KAZN: variants seen among roughly 807,000 people sequenced by gnomAD.
KAZN encodes the protein kazrin.
Under a neutral mutation model 87.4 loss-of-function variants are expected in KAZN, and 40 were observed. That is an observed-to-expected ratio of 0.46 (90% CI 0.36 to 0.60). KAZN has a LOEUF of 0.60. Among genes scored for constraint, KAZN ranks in the 20% least tolerant of loss-of-function variants. The pLI is 0.00. For synonymous variants in KAZN, 466 were observed against 458.3 expected (o/e 1.02, Z -0.22); for missense variants, 898 against 1,073.9 (o/e 0.84, Z 2.29).
In KAZN at chr1:14,719,082, G is replaced by A. The variant is rs570985609; in HGVS notation, c.226+119859G>A. On this transcript the variant is annotated intron_variant, in intron 1 of 14. Coordinates refer to ENST00000376030, the MANE Select transcript of KAZN (RefSeq NM_201628.3). ...CATAATCTACCCACAGTCGCCATAGGACCAACCCACACTCAACTTTGCACA... is the reference window on the plus strand; with the variant it reads ...CATAATCTACCCACAGTCGCCATAGAACCAACCCACACTCAACTTTGCACA... Among the ~76,000 whole-genome samples the A allele has an allele frequency of 6.6e-5, 10 of 152,208 alleles. No individual in the cohort carries two copies. In the South Asian group the frequency reaches 2.1e-3, roughly 32 times the overall value.
intron 1 of KAZN, among the ~76,000 whole-genome samples, chr1:14,722,524 G>A (rs1643170814): frequency 6.6e-6 from 1 of 152,182 alleles, no homozygotes; most frequent in African/African-American, 2.4e-5. Flanking sequence ...CAATAAATAT[G>A]AAAAAGTATT....
chr1:14,143,148 G>C (rs774944973), intron 1 of KAZN, among the ~76,000 whole-genome samples: 5 of 152,176 alleles, frequency 3.3e-5, no homozygotes, highest in African/African-American at 1.2e-4. Context: ...TGCTTGGAAC[G>C]ACGGTTCCTA....
At chr1:14,062,918 G>T (rs1417211167) in intron 1 of KAZN, among the ~76,000 whole-genome samples, 2 of 152,156 alleles carry the variant, frequency 1.3e-5, no homozygotes, top group African/African-American at 4.8e-5. Flanking sequence ...GCAATTAGAA[G>T]TCTGGCCACA....
At chr1:14,512,401 C>T (rs1351893045) in intron 2 of KAZN, among the ~76,000 whole-genome samples, 1 of 152,108 alleles carries the variant, frequency 6.6e-6, no homozygotes, top group Non-Finnish European at 1.5e-5. Flanking sequence ...ATGCCAGCAG[C>T]ACTCACCGCC....
chr1:15,094,943 C>G lies in KAZN; in HGVS notation c.1547+10C>G, dbSNP rs2100685330. On this transcript the variant is annotated intron_variant, in intron 10 of 14. Transcript: ENST00000376030. The surrounding 1 kb of genome is among the most constrained non-coding windows in gnomAD (Gnocchi z 4.5). The stretch of plus-strand genomic sequence containing the variant: ...CCGAGGCAGGCCGCAGGTGAGCCCA[C>G]CACGAGGGGCCCCGGGGGAGGAGAG... The G allele has an allele frequency of 1.3e-6, 2 of 1,537,608 alleles. No homozygotes were observed. Among genetic ancestry groups the G allele is most frequent in the Non-Finnish European group, 1.8e-6 (2 of 1,135,694 alleles).
chr1:13,898,917 G>C (rs1279521483), intron 1 of KAZN, among the ~76,000 whole-genome samples: 1 of 152,208 alleles, frequency 6.6e-6, no homozygotes, highest in Non-Finnish European at 1.5e-5. Context: ...ATAACTAAGA[G>C]GGCAAGGGAA....
chr1:14,865,670 G>C (rs1041398440), intron 1 of KAZN, among the ~76,000 whole-genome samples: 1 of 152,176 alleles, frequency 6.6e-6, no homozygotes, highest in Admixed American at 6.5e-5. Context: ...TACTGGGTTG[G>C]ATTATGTGTG....
intron 1 of KAZN, among the ~76,000 whole-genome samples, chr1:14,125,744 A>G (rs1013978211): frequency 2.0e-5 from 3 of 152,122 alleles, no homozygotes; most frequent in African/African-American, 7.2e-5. Flanking sequence ...ACAGGAAATG[A>G]ATGCAGTGGA....
At chr1:13,985,263 A>G in intron 1 of KAZN, among the ~76,000 whole-genome samples, 1 of 151,960 alleles carries the variant, frequency 6.6e-6, no homozygotes, top group East Asian at 1.9e-4. Flanking sequence ...TGTGCAGGTT[A>G]GTTACATATG....
chr1:14,971,452 T>G (rs1572951445), intron 2 of KAZN, among the ~76,000 whole-genome samples: 2 of 152,168 alleles, frequency 1.3e-5, no homozygotes, highest in East Asian at 3.9e-4. Flanking sequence ...TAGTAGGTTT[T>G]GGAGCCAAAG....
intron 1 of KAZN, among the ~76,000 whole-genome samples, chr1:13,953,038 G>C (rs1641412083): frequency 6.6e-6 from 1 of 152,176 alleles, no homozygotes; most frequent in African/African-American, 2.4e-5. Context: ...GGAGTATTGA[G>C]AAACCTGTGG....
At chr1:14,120,631 A>C (rs140375749) in intron 1 of KAZN, among the ~76,000 whole-genome samples, 81 of 152,286 alleles carry the variant, frequency 5.3e-4, no homozygotes, top group Middle Eastern at 3.4e-3. Context: ...TTATGGAAGG[A>C]TGCTTCAGTG....
At chr1:15,084,912 T>C (rs925397416) in intron 8 of KAZN, among the ~76,000 whole-genome samples, 1 of 152,086 alleles carries the variant, frequency 6.6e-6, no homozygotes, top group Admixed American at 6.5e-5. Flanking sequence ...CAATACCAAA[T>C]ACAAAATACT....
intron 2 of KAZN, among the ~76,000 whole-genome samples, chr1:14,288,960 A>G (rs911100095): frequency 6.6e-6 from 1 of 152,184 alleles, no homozygotes; most frequent in African/African-American, 2.4e-5. Flanking sequence ...ATTCAGGAGC[A>G]GGTTGTTCAG....
chr1:14,341,437 C>T (rs1179356348), intron 2 of KAZN, among the ~76,000 whole-genome samples: 2 of 152,132 alleles, frequency 1.3e-5, no homozygotes, highest in South Asian at 2.1e-4. Flanking sequence ...TCCCAACGCA[C>T]GCAGTCCTGA....
At chr1:15,093,628 A>G (rs1640660477) in intron 8 of KAZN, among the ~76,000 whole-genome samples, 2 of 152,176 alleles carry the variant, frequency 1.3e-5, no homozygotes, top group Non-Finnish European at 2.9e-5. Flanking sequence ...ATAAAGATAA[A>G]TGAGGCAGGG....
At chr1:14,007,818 C>T (rs138167067) in intron 1 of KAZN, among the ~76,000 whole-genome samples, 6 of 152,170 alleles carry the variant, frequency 3.9e-5, no homozygotes, top group South Asian at 2.1e-4. Flanking sequence ...AGACGCTGTC[C>T]GATAATGATT....
At chr1:14,698,576 C>T (rs768562549) in intron 1 of KAZN, among the ~76,000 whole-genome samples, 3 of 152,236 alleles carry the variant, frequency 2.0e-5, no homozygotes, top group African/African-American at 4.8e-5. Context: ...GCCACAGAGC[C>T]GCCCAGTGTT....
chr1:14,419,430 G>A (rs188594920), intron 2 of KAZN, among the ~76,000 whole-genome samples: 1 of 152,234 alleles, frequency 6.6e-6, no homozygotes, highest in East Asian at 1.9e-4. Flanking sequence ...CAGAACATGA[G>A]TGCCCAAAGC....
Sources: gnomAD v4.1 joint callset for allele counts (sites outside exome capture counted in the v4.1 genomes callset) on GRCh38, gnomAD v4.1.1 for gene constraint, Gnocchi (gnomAD v3.1) non-coding constraint, MANE v1.5 for transcripts, NCBI Gene and HGNC (gene_info 2026-07-23, HGNC 2026-07-21) for gene names.